NOTCH1: variants seen among roughly 807,000 people sequenced by gnomAD.
The protein encoded by NOTCH1 is neurogenic locus notch homolog protein 1.
Under a neutral mutation model 254.8 loss-of-function variants are expected in NOTCH1, and 37 were observed. The observed-to-expected ratio is 0.15, with a 90% CI of 0.11 to 0.19. The LOEUF (loss-of-function observed/expected upper bound fraction) is 0.19. NOTCH1 is among the 10% of genes least tolerant of loss of function. The probability of loss-of-function intolerance (pLI) is 1.00; values close to 1 mark genes in which losing one functional copy is unlikely to be tolerated. For synonymous variants in NOTCH1, 1,731 were observed against 1,618.1 expected, an observed-to-expected ratio of 1.07 and a Z score of -1.68; for missense variants, 2,972 against 3,708.6, an observed-to-expected ratio of 0.80 and a Z score of 5.16.
chr9:136,513,530 A>G lies in NOTCH1; in HGVS notation c.2215T>C (p.Cys739Arg), dbSNP rs1255561629. Reference sequence around the variant, plus strand: ...CCACTCCACCCAGGGTCACAGTCGCACTTGTACCTGCAAGGGGGACCACAC... The same window carrying G: ...CCACTCCACCCAGGGTCACAGTCGCGCTTGTACCTGCAAGGGGGACCACAC... Reference protein sequence around the residue: ...ACRDSLNGYKCDCDPGWSGTN... With the variant: ...ACRDSLNGYKRDCDPGWSGTN... Residue 739 changes from cysteine (C) to arginine (R), a missense_variant, in exon 14 of 34, where the codon TGC becomes CGC. Cys to Arg is a radical substitution (Grantham distance 180). Around this residue, in one of 8 missense-constraint regions of NOTCH1, gnomAD observed 1,343 missense variants for 1,557.0 expected, o/e 0.86. Transcript: ENST00000651671. This position sits in a 1 kb window ranked among gnomAD's most constrained non-coding sequence, Gnocchi z 4.7. 1 of 1,613,002 alleles carries G rather than the reference A, an allele frequency of 6.2e-7. No homozygotes were observed. Among genetic ancestry groups the G allele is most frequent in the South Asian group, 1.1e-5 (1 of 91,080 alleles).
In NOTCH1 at chr9:136,508,183, G is replaced by A. The variant is rs748260696; in HGVS notation, c.3326-44C>T. 8 of 1,609,010 alleles carry A rather than the reference G, an allele frequency of 5.0e-6. No individual in the cohort carries two copies. In the Admixed American group the frequency reaches 1.2e-4, roughly 23 times the overall value. On this transcript the variant is annotated intron_variant, in intron 20 of 33. Coordinates refer to ENST00000651671, the MANE Select transcript of NOTCH1 (RefSeq NM_017617.5). Reference sequence around the variant, plus strand: ...TAGACAGGTGAGGCCCAGGCCCACAGAGGACCTTGATGGGCTGGGACCCGA... The same window carrying A: ...TAGACAGGTGAGGCCCAGGCCCACAAAGGACCTTGATGGGCTGGGACCCGA...
rs1394975333 is a variant in NOTCH1 at position 136,523,087 on chromosome 9, T to C, written c.505A>G (p.Ser169Gly). Residue 169 changes from serine to glycine, a missense_variant, in exon 4 of 34, where the codon AGC (serine) becomes GGC (glycine). By Grantham distance (56) the Ser-to-Gly change is moderately conservative (BLOSUM62 0). Coordinates refer to ENST00000651671, the MANE Select transcript of NOTCH1 (RefSeq NM_017617.5). ...TGCCGGCAGGTGGGGCCATGGAAGCTGGGTGGGCAGTGGCAGATGTAGGAG... is the reference window on the plus strand; with the variant it reads ...TGCCGGCAGGTGGGGCCATGGAAGCCGGGTGGGCAGTGGCAGATGTAGGAG... ...EASYICHCPP[S>G]FHGPTCRQDV... The C allele has an allele frequency of 3.8e-6, 6 of 1,596,578 alleles. No individual in the cohort carries two copies. The Admixed American group carries it at 5.2e-5, about 14-fold the overall frequency.
In NOTCH1 at chr9:136,526,740, C is replaced by T. The variant is rs539698759; in HGVS notation, c.141-2761G>A. ...CTGTGGGAGAATCTGCCCAACCGGA[C>T]GCATCCCAGTTAACGAGGCTGTATC... On this transcript the variant is annotated intron_variant, in intron 2 of 33. Coordinates refer to ENST00000651671, the MANE Select transcript of NOTCH1 (RefSeq NM_017617.5). Among the ~76,000 whole-genome samples the T allele has an allele frequency of 4.6e-5, 7 of 152,340 alleles. No individual in the cohort carries two copies. The East Asian group carries it at 5.8e-4, about 13-fold the overall frequency.
chr9:136,502,093 G>T lies in NOTCH1; in HGVS notation c.5385-5C>A, dbSNP rs754607194. 1.2e-5 allele frequency: 20 copies of T among 1,612,884 alleles called. No individual in the cohort carries two copies. The highest frequency in any genetic ancestry group is 1.7e-5 in the Non-Finnish European group (20 of 1,179,962). On this transcript the variant is annotated splice_region_variant and splice_polypyrimidine_tract_variant and intron_variant, in intron 28 of 33. Transcript: ENST00000651671. ...TCTGAAGCGTTCTTCAGGGGCCTGG[G>T]GGGTGAGGGGTCGAGAAGTGAGGCT...
At chr9:136,507,046 G>T (rs1412175615) in intron 22 of NOTCH1, 73 bp from the exon 23 acceptor site, 1 of 1,562,456 alleles carries the variant, frequency 6.4e-7, no homozygotes, top group Non-Finnish European at 8.7e-7. Flanking sequence ...GTCCGTCCCG[G>T]AAGACGAGCG....
intron 2 of NOTCH1, among the ~76,000 whole-genome samples, chr9:136,527,534 CA>C (rs1843483229): frequency 2.0e-5 from 3 of 152,244 alleles, no homozygotes; most frequent in Non-Finnish European, 2.9e-5. Flanking sequence ...CTCCTCCTAT[CA>C]GGGGCGGTGG....
In NOTCH1 at chr9:136,504,690, G is replaced by A. The variant is rs2133335701; in HGVS notation, c.5001C>T (p.Asp1667=). The A allele has an allele frequency of 1.3e-6, 2 of 1,529,936 alleles. No homozygotes were observed. The highest frequency in any genetic ancestry group is 1.8e-6 in the Non-Finnish European group (2 of 1,136,870). The allele number at this position is 1,529,936 out of a possible 1,614,324, so 94.8% of individuals were successfully genotyped here. A position where few individuals can be genotyped will look rare whatever the true frequency, so the allele number is the denominator to read the frequency against. The change falls in exon 26 of 34, where the codon GAC becomes GAT. Residue 1667 remains aspartate, a synonymous_variant. Transcript: ENST00000651671. ...SEGGRRRREL[D]PMDVRGSIVY... ...TCACTCACCCGCGGACGTCCATGGGGTCCAGCTCCCTCCGCCGCCGCCCAC... is the reference window on the plus strand; with the variant it reads ...TCACTCACCCGCGGACGTCCATGGGATCCAGCTCCCTCCGCCGCCGCCCAC...
At position 136,504,881 on chromosome 9, in the gene NOTCH1, C is replaced by T. The variant is rs763765573; in HGVS notation, c.4810G>A (p.Val1604Met). The change falls in exon 26 of 34, where the codon GTG (valine) becomes ATG (methionine). Residue 1604 changes from valine (V) to methionine (M), a missense_variant. Val to Met is a conservative substitution (Grantham distance 21). This residue lies in a region of NOTCH1 where 1,343 missense variants were observed against 1,557.0 expected (regional missense o/e 0.86). Transcript: ENST00000651671. ...CCGTGTGCGTCACGCTTGAAGACCA[C>T]GTTGGTGTGCAGCACGCGGCTGAGC... is the stretch of plus-strand genomic sequence containing the variant. ...RELSRVLHTN[V>M]VFKRDAHGQQ... 5.7e-6 allele frequency: 9 copies of T among 1,585,156 alleles called. No individual in the cohort carries two copies. Among genetic ancestry groups the T allele is most frequent in the Non-Finnish European group, 6.9e-6 (8 of 1,166,284 alleles).
At chr9:136,512,904 G>GCC in intron 15 of NOTCH1, 117 bp downstream of exon 15, 10 of 558,430 alleles carry the variant, frequency 1.8e-5, no homozygotes, top group Non-Finnish European at 3.3e-5. Context: ...GGCTTCCCAG[G>GCC]CCGCCCCCAC....
chr9:136,519,399 GCCCCGCCCCGGCTA>G, intron 5 of NOTCH1, 30 bp downstream of exon 5: 1 of 1,609,868 alleles, frequency 6.2e-7, no homozygotes, highest in Non-Finnish European at 8.5e-7. Context: ...GTGGGTAGCA[GCCCCGCCCCGGCTA>G]CCCCGCCCTG....
rs1238603957 is a variant in NOTCH1, at chr9:136,523,117, C to T, written c.475G>A (p.Glu159Lys). The change falls in exon 4 of 34, where the codon GAG (glutamate) becomes AAG (lysine). Residue 159 changes from glutamate to lysine, a missense_variant. Physicochemically the swap from Glu to Lys is moderately conservative, Grantham distance 56. Coordinates refer to ENST00000651671, the MANE Select transcript of NOTCH1 (RefSeq NM_017617.5). ...CANGGQCLPF[E>K]ASYICHCPPS... is the part of the protein sequence containing the mutation. ...GGGCAGTGGCAGATGTAGGAGGCCT[C>T]GAAGGGCAGGCACTGGCCACCGTTG... The T allele has an allele frequency of 1.9e-6, 3 of 1,602,916 alleles. No homozygotes were observed. The highest frequency in any genetic ancestry group is 1.7e-5 in the Admixed American group (1 of 58,798).
Position 136,494,905 on chromosome 9 carries a change from C to A in NOTCH1, c.*1166G>T. 1 of 398,638 alleles carries A rather than the reference C, an allele frequency of 2.5e-6. No homozygotes were observed. The highest frequency in any genetic ancestry group is 4.4e-6 in the Non-Finnish European group (1 of 225,980). The allele number at this position is 398,638 out of a possible 1,614,324, so 24.7% of individuals were successfully genotyped here. A position where few individuals can be genotyped will look rare whatever the true frequency, so the allele number is the denominator to read the frequency against. Reference sequence around the variant, plus strand: ...GGAGGGGTGGCCCAAGGGCAGCCCCCGCCTCCCTCCAGCCCCTGCCCGACC... The same window carrying A: ...GGAGGGGTGGCCCAAGGGCAGCCCCAGCCTCCCTCCAGCCCCTGCCCGACC... On this transcript the variant is annotated 3_prime_UTR_variant, in exon 34 of 34. Coordinates refer to ENST00000651671, the MANE Select transcript of NOTCH1 (RefSeq NM_017617.5).
At position 136,500,525 on chromosome 9, in the gene NOTCH1, G is replaced by T. The variant is rs756661001; in HGVS notation, c.5934+27C>A. 190 of 1,607,500 alleles carry T rather than the reference G, an allele frequency of 1.2e-4. No individual in the cohort carries two copies. In the East Asian group the frequency reaches 4.1e-3, roughly 34 times the overall value. On this transcript the variant is annotated intron_variant, in intron 31 of 33. Transcript: ENST00000651671. Reference sequence around the variant, plus strand: ...CACCAGGCGGCCCTGAGGAGGGCAGGTGGGCACACAGGCAGCCACTGCCTA... The same window carrying T: ...CACCAGGCGGCCCTGAGGAGGGCAGTTGGGCACACAGGCAGCCACTGCCTA...
Position 136,513,157 on chromosome 9 carries a change from C to T in NOTCH1, c.2354-23G>A, listed in dbSNP as rs369960975. 80 of 1,584,722 alleles carry T rather than the reference C, an allele frequency of 5.0e-5. No individual in the cohort carries two copies. The African/African-American group carries it at 8.2e-4, about 16-fold the overall frequency. The stretch of plus-strand genomic sequence containing the variant: ...GACCTGGAGGGAAGGGGACAGCACT[C>T]GGCATGTCCAGCACTCCCAGGCACC... On this transcript the variant is annotated intron_variant, in intron 14 of 33. Transcript: ENST00000651671. The surrounding 1 kb of genome is among the most constrained non-coding windows in gnomAD (Gnocchi z 4.7).
In NOTCH1 at chr9:136,510,750, G is replaced by T; in HGVS notation, c.2643C>A (p.Gly881=). The part of the protein sequence containing the change: ...NECVLSPCRH[G]ASCQNTHGGY... Reference sequence around the variant, plus strand: ...CGCCGTGGGTGTTCTGGCAGGATGCGCCGTGCCGGCACGGGCTCAGAACGC... The same window carrying T: ...CGCCGTGGGTGTTCTGGCAGGATGCTCCGTGCCGGCACGGGCTCAGAACGC... Residue 881 remains glycine, a synonymous_variant, in exon 17 of 34, where the codon GGC becomes GGA. Transcript: ENST00000651671. 6.2e-7 allele frequency: 1 copy of T among 1,610,558 alleles called. No individual in the cohort carries two copies. The highest frequency in any genetic ancestry group is 8.5e-7 in the Non-Finnish European group (1 of 1,179,858).
chr9:136,523,201 G>A lies in NOTCH1; in HGVS notation c.404-13C>T, dbSNP rs766360723. ...TGGCACGATTTCCCTGGAGACAAGGGGACAAGAGGGTCGTGCTGGCCTCAC... is the reference window on the plus strand; with the variant it reads ...TGGCACGATTTCCCTGGAGACAAGGAGACAAGAGGGTCGTGCTGGCCTCAC... On this transcript the variant is annotated splice_polypyrimidine_tract_variant and intron_variant, in intron 3 of 33. Transcript: ENST00000651671. 1.3e-6 allele frequency: 2 copies of A among 1,588,288 alleles called. No individual in the cohort carries two copies. The highest frequency in any genetic ancestry group is 1.7e-6 in the Non-Finnish European group (2 of 1,168,740).
Position 136,522,784 on chromosome 9 carries a change from G to A in NOTCH1, c.742+66C>T, listed in dbSNP as rs932782627. ...GGGCTGCCCCTACACCAGGCGCCCC[G>A]TTCCCACCCCCTGGGCCTGGCAGCC... On this transcript the variant is annotated intron_variant, in intron 4 of 33. Transcript: ENST00000651671. 6.4e-5 allele frequency: 90 copies of A among 1,409,130 alleles called. No homozygotes were observed. In the Admixed American group the frequency reaches 1.5e-3, roughly 24 times the overall value. 87.3% of individuals were successfully genotyped at this position (1,409,130 alleles called of 1,614,324 possible).
chr9:136,501,449 A>T (rs7867547), intron 30 of NOTCH1, among the ~76,000 whole-genome samples: 1 of 124,508 alleles, frequency 8.0e-6, no homozygotes, highest in Non-Finnish European at 1.8e-5. Flanking sequence ...CAAAAAAAAA[A>T]GAAAAAAAAA....
rs61755042 is a variant in NOTCH1, at chr9:136,497,058, C to T, written c.6681G>A (p.Pro2227=). ...CAGGCAGGTGGTTGAGGGGCACGGA[C>T]GGAGACTGCTGGAACGGGGAGGGCA... is the stretch of plus-strand genomic sequence containing the variant. The part of the protein sequence containing the change: ...PLLPSPFQQS[P]SVPLNHLPGM... Residue 2227 remains proline, a synonymous_variant, in exon 34 of 34, where the codon CCG becomes CCA. Transcript: ENST00000651671. The T allele has an allele frequency of 1.4e-5, 22 of 1,609,614 alleles. No homozygotes were observed. The highest frequency in any genetic ancestry group is 1.7e-4 in the Middle Eastern group (1 of 6,054).
Sources: allele counts gnomAD v4.1 joint callset (sites outside exome capture counted in the v4.1 genomes callset), GRCh38; gene constraint gnomAD v4.1.1; regional missense constraint gnomAD v4.1.1; non-coding constraint Gnocchi (gnomAD v3.1); transcripts MANE v1.5; gene names NCBI Gene and HGNC (gene_info 2026-07-23, HGNC 2026-07-21).